Variants in CYP2C18 observed in about 807,000 individuals in gnomAD.
CYP2C18 encodes cytochrome P450 2C18.
CYP2C18 carries 38 observed loss-of-function variants against 41.3 expected under a neutral mutation model. That is an observed-to-expected ratio of 0.92 (90% CI 0.71 to 1.21). The LOEUF (loss-of-function observed/expected upper bound fraction) is 1.21, where lower values mean the gene tolerates loss of function less well. Ranked by LOEUF, CYP2C18 falls within the 50% of genes most tolerant of loss-of-function variation. The pLI is 0.00. For synonymous variants in CYP2C18, 236 were observed against 210.0 expected (o/e 1.12, Z -1.07); for missense variants, 635 against 591.4 (o/e 1.07, Z -0.77).
At chr10:94,690,979 T>C (rs1468103451) in intron 3 of CYP2C18, among the ~76,000 whole-genome samples, 1 of 152,012 alleles carries the variant, frequency 6.6e-6, no homozygotes, top group East Asian at 1.9e-4. Context: ...CAACAACCCT[T>C]CATGCTAAAA....
At chr10:94,703,403 T>G (rs1397920543) in intron 4 of CYP2C18, among the ~76,000 whole-genome samples, 1 of 152,226 alleles carries the variant, frequency 6.6e-6, no homozygotes, top group Non-Finnish European at 1.5e-5. Context: ...CTACTGGGGC[T>G]GCTGCCTTTA....
At chr10:94,726,329 C>T (rs372449357) in intron 7 of CYP2C18, among the ~76,000 whole-genome samples, 1 of 151,986 alleles carries the variant, frequency 6.6e-6, no homozygotes, top group Admixed American at 6.6e-5. Context: ...GGTATTTCTC[C>T]TAATGTTATC....
intron 7 of CYP2C18, chr10:94,728,739 C>CT (rs796776949): frequency 0.019 from 4,937 of 256,514 alleles, 24 homozygotes; most frequent in African/African-American, 0.032. Context: ...ATTCTCCTCA[C>CT]TTTTTTTTTT....
intron 7 of CYP2C18, chr10:94,728,736 T>C (rs1847783535): frequency 1.6e-5 from 5 of 312,834 alleles, no homozygotes; most frequent in Non-Finnish European, 1.4e-5. Context: ...CAAATTCTCC[T>C]CACTTTTTTT....
chr10:94,718,497 A>G (rs1343489652), intron 5 of CYP2C18, among the ~76,000 whole-genome samples: 2 of 152,082 alleles, frequency 1.3e-5, no homozygotes, highest in African/African-American at 4.8e-5. Flanking sequence ...AAGTACTGAG[A>G]GTGGGCATCC....
chr10:94,731,858 A>C (rs1847838473), intron 7 of CYP2C18, among the ~76,000 whole-genome samples: 1 of 152,190 alleles, frequency 6.6e-6, no homozygotes, highest in African/African-American at 2.4e-5. Context: ...AAACTATAAG[A>C]ATTGCAAAAG....
chr10:94,731,379 CA>C (rs149051841), intron 7 of CYP2C18, among the ~76,000 whole-genome samples: 19 of 142,434 alleles, frequency 1.3e-4, no homozygotes, highest in Middle Eastern at 3.6e-3. Flanking sequence ...GACTCTGTCT[CA>C]AAAAAAAAAT....
At chr10:94,702,064 C>T (rs1847256123) in intron 4 of CYP2C18, among the ~76,000 whole-genome samples, 1 of 152,122 alleles carries the variant, frequency 6.6e-6, no homozygotes, top group African/African-American at 2.4e-5. Flanking sequence ...TAGTGGCCCC[C>T]ACTCTCTTCT....
chr10:94,726,067 G>A (rs1185315949), intron 7 of CYP2C18, among the ~76,000 whole-genome samples: 1 of 152,076 alleles, frequency 6.6e-6, no homozygotes, highest in Non-Finnish European at 1.5e-5. Flanking sequence ...ATGAAAAAAT[G>A]CAGAATGTCA....
intron 8 of CYP2C18, chr10:94,733,680 A>C: frequency 1.2e-6 from 1 of 819,112 alleles, no homozygotes. Flanking sequence ...AGGTTAATTT[A>C]ATTCTGCCTC....
At chr10:94,732,167 A>G (rs1350636894) in intron 7 of CYP2C18, among the ~76,000 whole-genome samples, 1 of 152,220 alleles carries the variant, frequency 6.6e-6, no homozygotes, top group African/African-American at 2.4e-5. Context: ...AGTAAAATAC[A>G]TGAACAGACA....
chr10:94,731,348 C>G (rs1847828879), intron 7 of CYP2C18, among the ~76,000 whole-genome samples: 1 of 151,728 alleles, frequency 6.6e-6, no homozygotes, highest in South Asian at 2.1e-4. Flanking sequence ...CTATTGTACT[C>G]CAGGCTGGGT....
At chr10:94,685,492 G>T (rs369764101) in intron 1 of CYP2C18, among the ~76,000 whole-genome samples, 2 of 118,964 alleles carry the variant, frequency 1.7e-5, no homozygotes, top group African/African-American at 5.1e-5. Context: ...ATGTCATGGA[G>T]TTTTTCTATA....
chr10:94,697,358 G>A (rs545493197), intron 4 of CYP2C18, among the ~76,000 whole-genome samples: 1 of 152,162 alleles, frequency 6.6e-6, no homozygotes, highest in East Asian at 1.9e-4. Context: ...TTTCAACCCA[G>A]AATTTCATAT....
rs1028427246 is a variant in CYP2C18 at position 94,688,061 on chromosome 10, G to A, written c.332-64G>A. The stretch of plus-strand genomic sequence containing the variant: ...AACTTGACCTGTCCACGTGGCTGCC[G>A]AGTGTCAGCTCTCTTGTCCTTGTTT... On this transcript the variant is annotated intron_variant, in intron 2 of 8. Coordinates refer to ENST00000285979, the MANE Select transcript of CYP2C18 (RefSeq NM_000772.3). 91 of 1,608,758 alleles carry A rather than the reference G, an allele frequency of 5.7e-5. No homozygotes were observed. In the African/African-American group the frequency reaches 7.4e-4, roughly 13 times the overall value.
chr10:94,706,948 C>A lies in CYP2C18; in HGVS notation c.807C>A (p.Ile269=). 1.2e-6 allele frequency: 2 copies of A among 1,606,074 alleles called. No homozygotes were observed. Among genetic ancestry groups the A allele is most frequent in the South Asian group, 1.1e-5 (1 of 89,322 alleles). The part of the protein sequence containing the change: ...SARDFIDCFL[I]KMEQEKHNQQ... ...GGGACTTTATTGATTGTTTCCTGAT[C>A]AAAATGGAACAGGTAAAATGTTATT... Residue 269 remains isoleucine, a synonymous_variant, in exon 5 of 9, where the codon ATC becomes ATA. Coordinates refer to ENST00000285979, the MANE Select transcript of CYP2C18 (RefSeq NM_000772.3).
At chr10:94,733,566 A>G in intron 8 of CYP2C18, 128 bp downstream of exon 8, 1 of 1,493,780 alleles carries the variant, frequency 6.7e-7, no homozygotes, top group Non-Finnish European at 8.9e-7. Flanking sequence ...ACCATTCCCT[A>G]TGCCCATGCG....
intron 4 of CYP2C18, among the ~76,000 whole-genome samples, chr10:94,705,433 T>C (rs943684886): frequency 6.6e-6 from 1 of 152,124 alleles, no homozygotes; most frequent in African/African-American, 2.4e-5. Flanking sequence ...GGTGAAGAGT[T>C]TATAGGTGCA....
At chr10:94,697,822 G>T (rs537311438) in intron 4 of CYP2C18, among the ~76,000 whole-genome samples, 1 of 152,262 alleles carries the variant, frequency 6.6e-6, no homozygotes, top group East Asian at 1.9e-4. Context: ...AAAGGCAGGG[G>T]TTGCAATCCT....
Sources: allele counts gnomAD v4.1 joint callset (sites outside exome capture counted in the v4.1 genomes callset), GRCh38; gene constraint gnomAD v4.1.1; transcripts MANE v1.5; gene names NCBI Gene and HGNC (gene_info 2026-07-23, HGNC 2026-07-21).